PPP1CB: variants seen among roughly 807,000 people sequenced by gnomAD.
The protein encoded by PPP1CB is protein phosphatase 1 catalytic subunit beta.
A neutral mutation model predicts 43.7 loss-of-function variants in PPP1CB; 2 were observed. That is an observed-to-expected ratio of 0.05 (90% CI 0.02 to 0.14). The LOEUF is 0.14. Among genes scored for constraint, PPP1CB ranks in the 10% least tolerant of loss-of-function variants. The pLI is 1.00. For synonymous variants in PPP1CB, 136 were observed against 135.6 expected (o/e 1.00, Z -0.02); for missense variants, 84 against 398.0 (o/e 0.21, Z 6.71).
intron 6 of PPP1CB, among the ~76,000 whole-genome samples, chr2:28,789,176 T>C (rs1194776267): frequency 6.6e-6 from 1 of 152,096 alleles, no homozygotes; most frequent in Non-Finnish European, 1.5e-5. Context: ...TCTAGTGATT[T>C]GTTAACCTTT....
At chr2:28,783,225 A>G (rs1293590126) in intron 4 of PPP1CB, among the ~76,000 whole-genome samples, 2 of 152,198 alleles carry the variant, frequency 1.3e-5, no homozygotes, top group Non-Finnish European at 2.9e-5. Flanking sequence ...CTTAGAAGTT[A>G]AAATGTTTAA....
chr2:28,778,909 A>G lies in PPP1CB; in HGVS notation c.285A>G (p.Arg95=), dbSNP rs374506269. ...TTTTCTTAGGAGATTATGTGGACAG[A>G]GGAAAGCAGTCTTTGGAAACCATTT... The part of the protein sequence containing the change: ...NYLFLGDYVD[R]GKQSLETICL... The change falls in exon 3 of 8, where the codon AGA becomes AGG. Residue 95 remains arginine, a synonymous_variant. Transcript: ENST00000395366. 1.2e-6 allele frequency: 2 copies of G among 1,610,746 alleles called. No homozygotes were observed. Among genetic ancestry groups the G allele is most frequent in the African/African-American group, 2.7e-5 (2 of 74,994 alleles).
Position 28,799,342 on chromosome 2 carries a change from G to A in PPP1CB, c.*39G>A. ...GTAAAGAAACCATCAGATTTGTTAA[G>A]GACATACTTCATAATATATAAGTGT... On this transcript the variant is annotated 3_prime_UTR_variant, in exon 8 of 8. Transcript: ENST00000395366. 1 of 1,480,226 alleles carries A rather than the reference G, an allele frequency of 6.8e-7. No individual in the cohort carries two copies. The allele number at this position is 1,480,226 out of a possible 1,614,324, so 91.7% of individuals were successfully genotyped here.
At chr2:28,755,432 G>A (rs1370741431) in intron 1 of PPP1CB, among the ~76,000 whole-genome samples, 3 of 152,246 alleles carry the variant, frequency 2.0e-5, no homozygotes, top group East Asian at 3.9e-4. Flanking sequence ...TTATTTGGAC[G>A]GTGCATATTC....
At chr2:28,778,172 G>A (rs982097263) in intron 2 of PPP1CB, among the ~76,000 whole-genome samples, 5 of 152,166 alleles carry the variant, frequency 3.3e-5, no homozygotes, top group Non-Finnish European at 5.9e-5. Context: ...GAAGTTATTT[G>A]TACTACATAT....
intron 3 of PPP1CB, among the ~76,000 whole-genome samples, chr2:28,780,084 C>CTTTTTTTT (rs10559224): frequency 1.2e-4 from 16 of 131,792 alleles, no homozygotes; most frequent in Admixed American, 3.3e-4. Flanking sequence ...TCTTTTCTTT[C>CTTTTTTTT]TTTTTTTTTT....
chr2:28,769,138 T>C (rs12472549), intron 1 of PPP1CB, among the ~76,000 whole-genome samples: 86,238 of 152,044 alleles, frequency 0.57, 24,962 homozygotes, highest in Middle Eastern at 0.64. Context: ...AACAATAATA[T>C]GAATGATGGC....
At chr2:28,793,416 T>C (rs879588499) in intron 6 of PPP1CB, among the ~76,000 whole-genome samples, 5 of 152,220 alleles carry the variant, frequency 3.3e-5, no homozygotes, top group Non-Finnish European at 7.3e-5. Context: ...GTTGCTCATT[T>C]AATTAAGGAT....
chr2:28,777,095 C>A, intron 2 of PPP1CB, 113 bp downstream of exon 2: 1 of 1,095,282 alleles, frequency 9.1e-7, no homozygotes, highest in Non-Finnish European at 1.3e-6. Flanking sequence ...GATCAGTAGG[C>A]TTTACTAAAT....
chr2:28,762,965 G>A (rs1435478539), intron 1 of PPP1CB, among the ~76,000 whole-genome samples: 1 of 152,222 alleles, frequency 6.6e-6, no homozygotes, highest in Non-Finnish European at 1.5e-5. Context: ...TTGGCAACAA[G>A]TACTGTCAGT....
At chr2:28,760,060 A>G (rs976813000) in intron 1 of PPP1CB, among the ~76,000 whole-genome samples, 2 of 152,120 alleles carry the variant, frequency 1.3e-5, no homozygotes, top group African/African-American at 4.8e-5. Context: ...CTTCCAGTGA[A>G]GATGTGGAGG....
At chr2:28,764,760 A>C (rs1480087148) in intron 1 of PPP1CB, among the ~76,000 whole-genome samples, 1 of 152,034 alleles carries the variant, frequency 6.6e-6, no homozygotes, top group South Asian at 2.1e-4. Flanking sequence ...TCTCTACTAA[A>C]AATACAAAAA....
intron 6 of PPP1CB, among the ~76,000 whole-genome samples, chr2:28,790,525 A>T (rs150477535): frequency 0.082 from 12,458 of 151,990 alleles, 717 homozygotes; most frequent in Admixed American, 0.16. Flanking sequence ...TTTTTAGTAG[A>T]GACGGGGTTT....
intron 1 of PPP1CB, among the ~76,000 whole-genome samples, chr2:28,769,261 G>A (rs1212024417): frequency 6.6e-6 from 1 of 152,192 alleles, no homozygotes; most frequent in African/African-American, 2.4e-5. Flanking sequence ...TTGAGATGGA[G>A]TTTTGCTCGT....
chr2:28,794,010 C>T lies in PPP1CB; in HGVS notation c.879+13C>T, dbSNP rs1558311434. 6.3e-7 allele frequency: 1 copy of T among 1,586,374 alleles called. No homozygotes were observed. The highest frequency in any genetic ancestry group is 8.6e-7 in the Non-Finnish European group (1 of 1,160,976). On this transcript the variant is annotated intron_variant, in intron 7 of 7. Transcript: ENST00000395366. Reference sequence around the variant, plus strand: ...GTGTTCATTTCAGGTATGATGTAAACATAAATATATAAGAACTAGAAATCT... The same window carrying T: ...GTGTTCATTTCAGGTATGATGTAAATATAAATATATAAGAACTAGAAATCT...
At chr2:28,765,295 T>G (rs928934514) in intron 1 of PPP1CB, among the ~76,000 whole-genome samples, 1 of 152,234 alleles carries the variant, frequency 6.6e-6, no homozygotes, top group African/African-American at 2.4e-5. Context: ...TGCTGATCTG[T>G]AGTGAGATTC....
chr2:28,777,097 T>A, intron 2 of PPP1CB, 115 bp downstream of exon 2: 1 of 1,095,922 alleles, frequency 9.1e-7, no homozygotes, highest in East Asian at 2.4e-5. Context: ...TCAGTAGGCT[T>A]TACTAAATAA....
At chr2:28,797,361 A>G (rs888051132) in intron 7 of PPP1CB, among the ~76,000 whole-genome samples, 1 of 152,084 alleles carries the variant, frequency 6.6e-6, no homozygotes, top group African/African-American at 2.4e-5. Context: ...CTCTTTGTAC[A>G]TCTGATATAA....
At chr2:28,780,063 CTTTT>C (rs1453962775) in intron 3 of PPP1CB, among the ~76,000 whole-genome samples, 1 of 143,450 alleles carries the variant, frequency 7.0e-6, no homozygotes, top group Non-Finnish European at 1.5e-5. Flanking sequence ...TTTCTTTTTT[CTTTT>C]TTCTTTTCTT....
Sources: allele counts gnomAD v4.1 joint callset (sites outside exome capture counted in the v4.1 genomes callset), GRCh38; gene constraint gnomAD v4.1.1; transcripts MANE v1.5; gene names NCBI Gene and HGNC (gene_info 2026-07-23, HGNC 2026-07-21).